BAALC: variants seen among roughly 807,000 people sequenced by gnomAD.
BAALC encodes the protein brain and acute leukemia cytoplasmic protein.
BAALC carries 9 observed loss-of-function variants against 15.5 expected under a neutral mutation model. That is an observed-to-expected ratio of 0.58 (90% CI 0.35 to 1.02). The LOEUF (loss-of-function observed/expected upper bound fraction) is 1.02. BAALC is among the 50% of genes least tolerant of loss of function. BAALC has a pLI of 0.02. For missense variants in BAALC, 201 were observed against 192.4 expected (o/e 1.04, Z -0.27); for synonymous variants, 80 against 74.6 (o/e 1.07, Z -0.37).
At chr8:103,211,609 TGCTCATTCTTGTTTTTG>T (rs1812447547) in intron 1 of BAALC, among the ~76,000 whole-genome samples, 1 of 152,204 alleles carries the variant, frequency 6.6e-6, no homozygotes, top group Non-Finnish European at 1.5e-5. Flanking sequence ...CTCAAATGTT[TGCTCATTCTTGTTTTTG>T]TACTGATTTT....
chr8:103,183,416 G>A, intron 1 of BAALC: 1 of 702,990 alleles, frequency 1.4e-6, no homozygotes, highest in Non-Finnish European at 2.6e-6. Context: ...ACAGTTTAGG[G>A]GCTCTGCTGG....
intron 1 of BAALC, among the ~76,000 whole-genome samples, chr8:103,206,162 C>T (rs1228609277): frequency 2.0e-5 from 3 of 152,192 alleles, no homozygotes; most frequent in Non-Finnish European, 4.4e-5. Context: ...GCCTCAACCT[C>T]CAGCCTTCCC....
At chr8:103,144,875 G>C (rs1263712399) in intron 1 of BAALC, among the ~76,000 whole-genome samples, 1 of 152,122 alleles carries the variant, frequency 6.6e-6, no homozygotes, top group Non-Finnish European at 1.5e-5. Context: ...ACTTACTGGG[G>C]CCTGGTGCTT....
chr8:103,202,039 T>A (rs984386120), intron 1 of BAALC, among the ~76,000 whole-genome samples: 2 of 152,214 alleles, frequency 1.3e-5, no homozygotes, highest in African/African-American at 4.8e-5. Context: ...ATAGTAGTTA[T>A]TCCTGGTAGA....
intron 1 of BAALC, among the ~76,000 whole-genome samples, chr8:103,197,369 A>G (rs1452041809): frequency 6.6e-6 from 1 of 152,152 alleles, no homozygotes; most frequent in Non-Finnish European, 1.5e-5. Context: ...TGGGGATCAT[A>G]ACATCTACCT....
chr8:103,174,466 T>G (rs1811564349), intron 1 of BAALC, among the ~76,000 whole-genome samples: 1 of 152,198 alleles, frequency 6.6e-6, no homozygotes, highest in Non-Finnish European at 1.5e-5. Flanking sequence ...AGCCATGACC[T>G]TGGGACTCTG....
intron 2 of BAALC, among the ~76,000 whole-genome samples, chr8:103,218,030 G>A (rs1812597959): frequency 6.6e-6 from 1 of 152,198 alleles, no homozygotes; most frequent in Non-Finnish European, 1.5e-5. Context: ...CTAGTCAGGG[G>A]TAGCAGCTAC....
intron 1 of BAALC, among the ~76,000 whole-genome samples, chr8:103,172,954 G>T (rs1287988287): frequency 6.6e-6 from 1 of 152,184 alleles, no homozygotes; most frequent in Non-Finnish European, 1.5e-5. Context: ...CCAGGCCAGT[G>T]ACATTCTGAA....
chr8:103,185,713 G>A (rs13255734), intron 1 of BAALC, among the ~76,000 whole-genome samples: 78,537 of 152,024 alleles, frequency 0.52, 20,446 homozygotes, highest in African/African-American at 0.58. Flanking sequence ...CTGTGATACT[G>A]TGTTTCTTTC....
intron 1 of BAALC, 143 bp downstream of exon 1, chr8:103,141,200 C>T (rs1256768233): frequency 3.5e-5 from 34 of 966,316 alleles, no homozygotes; most frequent in Non-Finnish European, 4.5e-5. Flanking sequence ...GACCTGCCCA[C>T]TGATCAGTGG....
intron 1 of BAALC, among the ~76,000 whole-genome samples, chr8:103,172,427 C>T (rs1418717284): frequency 4.4e-5 from 6 of 135,222 alleles, no homozygotes; most frequent in South Asian, 2.4e-4. Context: ...GACAGAGTCT[C>T]GCTCTATTGC....
At chr8:103,213,238 T>G (rs1193011174) in intron 2 of BAALC, 153 bp downstream of exon 2, 1 of 844,248 alleles carries the variant, frequency 1.2e-6, no homozygotes, top group Non-Finnish European at 1.7e-6. Context: ...TAAAAATTGC[T>G]GCAAACCCCA....
chr8:103,156,597 C>CA (rs1811096897), intron 1 of BAALC, among the ~76,000 whole-genome samples: 1 of 152,192 alleles, frequency 6.6e-6, no homozygotes, highest in Non-Finnish European at 1.5e-5. Flanking sequence ...CAGATTCAGA[C>CA]AGGGCTTCTT....
chr8:103,210,982 A>G (rs1812436474), intron 1 of BAALC, among the ~76,000 whole-genome samples: 1 of 152,182 alleles, frequency 6.6e-6, no homozygotes, highest in South Asian at 2.1e-4. Flanking sequence ...CAATGTTTTC[A>G]TAAGATGAAT....
chr8:103,180,570 C>T (rs1811704251), intron 1 of BAALC, among the ~76,000 whole-genome samples: 2 of 152,204 alleles, frequency 1.3e-5, no homozygotes, highest in Non-Finnish European at 2.9e-5. Flanking sequence ...ATCCTTCAAG[C>T]CCTTGCCTCG....
At chr8:103,147,204 A>G (rs536681598) in intron 1 of BAALC, among the ~76,000 whole-genome samples, 2 of 152,324 alleles carry the variant, frequency 1.3e-5, no homozygotes, top group African/African-American at 4.8e-5. Context: ...TCTTCATTGG[A>G]CATTAGATAA....
chr8:103,181,719 T>G (rs1450107241), intron 1 of BAALC, among the ~76,000 whole-genome samples: 4 of 152,106 alleles, frequency 2.6e-5, no homozygotes, highest in Non-Finnish European at 5.9e-5. Flanking sequence ...ACAAAATAAA[T>G]GAGAATTTGG....
At chr8:103,213,225 A>G in intron 2 of BAALC, 140 bp downstream of exon 2, 1 of 985,510 alleles carries the variant, frequency 1.0e-6, no homozygotes, top group Non-Finnish European at 1.4e-6. Flanking sequence ...TGCCCCACCC[A>G]TGTAAAAATT....
intron 1 of BAALC, among the ~76,000 whole-genome samples, chr8:103,145,919 G>A (rs1376867470): frequency 6.6e-6 from 1 of 152,094 alleles, no homozygotes. Flanking sequence ...TCAGTTTAAC[G>A]TTTAAATTTG....
Sources: allele counts gnomAD v4.1 joint callset (sites outside exome capture counted in the v4.1 genomes callset), GRCh38; gene constraint gnomAD v4.1.1; transcripts MANE v1.5; gene names NCBI Gene and HGNC (gene_info 2026-07-23, HGNC 2026-07-21).